Variants in H2BC8 observed in about 807,000 individuals in gnomAD.
The protein encoded by H2BC8 is H2B clustered histone 8, also known as histone H2B type 1-C/E/F/G/I.
In H2BC8, 11 loss-of-function variants were observed where a neutral mutation model predicts 6.3. The observed-to-expected ratio is 1.75, with a 90% confidence interval of 1.10 to 2.89. The LOEUF (loss-of-function observed/expected upper bound fraction) is 2.89, where lower values mean the gene tolerates loss of function less well. Among genes scored for constraint, H2BC8 ranks in the 30% most tolerant of loss-of-function variants. H2BC8 has a pLI of 0.00. For synonymous variants in H2BC8, 150 were observed against 65.8 expected (o/e 2.28, Z -6.19); for missense variants, 195 against 165.2 (o/e 1.18, Z -0.99).
In H2BC8 at chr6:26,216,308, C is replaced by T. The variant is rs763783564; in HGVS notation, c.336G>A (p.Val112=). The T allele has an allele frequency of 1.2e-6, 2 of 1,613,182 alleles. No homozygotes were observed. Among genetic ancestry groups the T allele is most frequent in the African/African-American group, 1.3e-5 (1 of 74,916 alleles). The stretch of plus-strand genomic sequence containing the variant: ...TGGTGACAGCCTTGGTACCTTCGGA[C>T]ACTGCGTGCTTGGCCAGCTCTCCGG... ...LLPGELAKHA[V]SEGTKAVTKY... Residue 112 remains valine, a synonymous_variant, in exon 1 of 1, where the codon GTG becomes GTA. Transcript: ENST00000541790.
chr6:26,216,257 A>T lies in H2BC8; in HGVS notation c.*6T>A, dbSNP rs772220232. 3.1e-5 allele frequency: 49 copies of T among 1,590,370 alleles called. No individual in the cohort carries two copies. The highest frequency in any genetic ancestry group is 4.1e-5 in the Non-Finnish European group (48 of 1,167,604). On this transcript the variant is annotated 3_prime_UTR_variant, in exon 1 of 1. Transcript: ENST00000541790. ...CCTTTGAGTTTTAAAGCACCTAAGC[A>T]CACATTTACTTGGAGCTTGTATACT... is the stretch of plus-strand genomic sequence containing the variant.
Position 26,216,585 on chromosome 6 carries a change from G to A in H2BC8, c.59C>T (p.Thr20Ile), listed in dbSNP as rs755499900. Reference protein sequence around the residue: ...APKKGSKKAVTKAQKKDGKKR... With the variant: ...APKKGSKKAVIKAQKKDGKKR... ...CTTGCCATCCTTCTTCTGCGCCTTG[G>A]TCACAGCCTTCTTGGAACCCTTCTT... The change falls in exon 1 of 1, where the codon ACC becomes ATC. Residue 20 changes from threonine to isoleucine, a missense_variant. Transcript: ENST00000541790. 6 of 1,614,164 alleles carry A rather than the reference G, an allele frequency of 3.7e-6. No individual in the cohort carries two copies. The highest frequency in any genetic ancestry group is 1.6e-4 in the Middle Eastern group (1 of 6,062).
In H2BC8 at chr6:26,216,546, C is replaced by CTGCGCT; in HGVS notation, c.92_97dup (p.Lys31_Arg32dup). 3.1e-6 allele frequency: 5 copies of CTGCGCT among 1,614,228 alleles called. No homozygotes were observed. Among genetic ancestry groups the CTGCGCT allele is most frequent in the Non-Finnish European group, 4.2e-6 (5 of 1,180,028 alleles). On this transcript the variant is annotated inframe_insertion, in exon 1 of 1. Transcript: ENST00000541790. ...ATACACGGAGTAGCTCTCCTTACGA[C>CTGCGCT]TGCGCTTGCGCTTCTTGCCATCCTT... is the stretch of plus-strand genomic sequence containing the variant.
At position 26,216,217 on chromosome 6, in the gene H2BC8, T is replaced by G; in HGVS notation, c.*46A>C. Reference sequence around the variant, plus strand: ...TAAAGCTCTTTATGTGAGACTTGAGTGGCTCTGAAAAGAGCCTTTGAGTTT... The same window carrying G: ...TAAAGCTCTTTATGTGAGACTTGAGGGGCTCTGAAAAGAGCCTTTGAGTTT... On this transcript the variant is annotated 3_prime_UTR_variant, in exon 1 of 1. Coordinates refer to ENST00000541790, the MANE Select transcript of H2BC8 (RefSeq NM_003518.4). The G allele has an allele frequency of 1.3e-6, 2 of 1,518,924 alleles. No individual in the cohort carries two copies. Among genetic ancestry groups the G allele is most frequent in the Non-Finnish European group, 1.8e-6 (2 of 1,131,682 alleles). 94.1% of individuals were successfully genotyped at this position (1,518,924 alleles called of 1,614,324 possible).
Position 26,216,222 on chromosome 6 carries a change from CTGAAAA to C in H2BC8, c.*35_*40del. On this transcript the variant is annotated 3_prime_UTR_variant, in exon 1 of 1. Coordinates refer to ENST00000541790, the MANE Select transcript of H2BC8 (RefSeq NM_003518.4). ...CTCTTTATGTGAGACTTGAGTGGCT[CTGAAAA>C]GAGCCTTTGAGTTTTAAAGCACCTA... 6.5e-7 allele frequency: 1 copy of C among 1,534,564 alleles called. No individual in the cohort carries two copies.
Position 26,216,269 on chromosome 6 carries a change from G to C in H2BC8, c.375C>G (p.Ser125=). Residue 125 remains serine, a synonymous_variant, in exon 1 of 1, where the codon TCC becomes TCG. Transcript: ENST00000541790. ...AAAGCACCTAAGCACACATTTACTT[G>C]GAGCTTGTATACTTGGTGACAGCCT... is the stretch of plus-strand genomic sequence containing the variant. ...GTKAVTKYTS[S]K The C allele has an allele frequency of 6.2e-7, 1 of 1,600,630 alleles. No individual in the cohort carries two copies. Among genetic ancestry groups the C allele is most frequent in the Non-Finnish European group, 8.5e-7 (1 of 1,172,698 alleles).
rs368880863 is a variant in H2BC8 at position 26,216,620 on chromosome 6, A to C, written c.24T>G (p.Ala8=). ...TCTTGGAACCCTTCTTCGGAGCAGG[A>C]GCTGACTTAGCTGGTTCAGGCATGC... MPEPAKS[A]PAPKKGSKKA... Residue 8 remains alanine (A), a synonymous_variant, in exon 1 of 1, where the codon GCT becomes GCG. Transcript: ENST00000541790. 1 of 1,613,178 alleles carries C rather than the reference A, an allele frequency of 6.2e-7. No homozygotes were observed. The highest frequency in any genetic ancestry group is 1.3e-5 in the African/African-American group (1 of 74,848).
Position 26,216,334 on chromosome 6 carries a change from G to A in H2BC8, c.310C>T (p.Pro104Ser). 1.2e-6 allele frequency: 2 copies of A among 1,614,116 alleles called. No individual in the cohort carries two copies. Among genetic ancestry groups the A allele is most frequent in the Non-Finnish European group, 1.7e-6 (2 of 1,179,954 alleles). The change falls in exon 1 of 1, where the codon CCC (proline) becomes TCC (serine). Residue 104 changes from proline (P) to serine (S), a missense_variant. Coordinates refer to ENST00000541790, the MANE Select transcript of H2BC8 (RefSeq NM_003518.4). The stretch of plus-strand genomic sequence containing the variant: ...ACTGCGTGCTTGGCCAGCTCTCCGG[G>A]AAGCAGCAGACGCACGGCGGTCTGG... ...EIQTAVRLLL[P>S]GELAKHAVSE...
At position 26,216,374 on chromosome 6, in the gene H2BC8, A is replaced by G. The variant is rs967879011; in HGVS notation, c.270T>C (p.Ile90=). Reference sequence around the variant, plus strand: ...CGGCGGTCTGGATCTCCCTGGAGGTAATGGTCGAGCGCTTGTTGTAGTGGG... The same window carrying G: ...CGGCGGTCTGGATCTCCCTGGAGGTGATGGTCGAGCGCTTGTTGTAGTGGG... ...RLAHYNKRST[I]TSREIQTAVR... is the part of the protein sequence containing the mutation. The change falls in exon 1 of 1, where the codon ATT becomes ATC. Residue 90 remains isoleucine (I), a synonymous_variant. Transcript: ENST00000541790. The G allele has an allele frequency of 6.2e-7, 1 of 1,614,010 alleles. No homozygotes were observed. Among genetic ancestry groups the G allele is most frequent in the Non-Finnish European group, 8.5e-7 (1 of 1,180,012 alleles).
chr6:26,216,564 C>A lies in H2BC8; in HGVS notation c.80G>T (p.Gly27Val). ...KAVTKAQKKD[G>V]KKRKRSRKES... ...CTTACGACTGCGCTTGCGCTTCTTGCCATCCTTCTTCTGCGCCTTGGTCAC... is the reference window on the plus strand; with the variant it reads ...CTTACGACTGCGCTTGCGCTTCTTGACATCCTTCTTCTGCGCCTTGGTCAC... Residue 27 changes from glycine (G) to valine (V), a missense_variant, in exon 1 of 1, where the codon GGC (glycine) becomes GTC (valine). Gly to Val is a moderately radical substitution (Grantham distance 109). Transcript: ENST00000541790. 6.2e-7 allele frequency: 1 copy of A among 1,614,184 alleles called. No homozygotes were observed. Among genetic ancestry groups the A allele is most frequent in the Non-Finnish European group, 8.5e-7 (1 of 1,180,032 alleles).
rs369873828 is a variant in H2BC8 at position 26,216,651 on chromosome 6, G to A, written c.-8C>T. On this transcript the variant is annotated 5_prime_UTR_variant, in exon 1 of 1. Transcript: ENST00000541790. ...CTTAGCTGGTTCAGGCATGCTGTCA[G>A]AAAACAATAACAGCAGTGAGAATGA... The A allele has an allele frequency of 9.3e-6, 15 of 1,606,982 alleles. No homozygotes were observed. Among genetic ancestry groups the A allele is most frequent in the East Asian group, 4.5e-5 (2 of 44,824 alleles).
At position 26,216,407 on chromosome 6, in the gene H2BC8, G is replaced by A. The variant is rs1422338671; in HGVS notation, c.237C>T (p.Ser79=). The A allele has an allele frequency of 1.2e-6, 2 of 1,614,152 alleles. No homozygotes were observed. Among genetic ancestry groups the A allele is most frequent in the Admixed American group, 1.7e-5 (1 of 60,020 alleles). Residue 79 remains serine (S), a synonymous_variant, in exon 1 of 1, where the codon TCC becomes TCT. Transcript: ENST00000541790. The part of the protein sequence containing the change: ...DIFERIAGEA[S]RLAHYNKRST... ...AGCGCTTGTTGTAGTGGGCCAGACG[G>A]GAAGCCTCGCCTGCGATGCGTTCGA... is the stretch of plus-strand genomic sequence containing the variant.
rs139135890 is a variant in H2BC8, at chr6:26,216,365, C to T, written c.279G>A (p.Arg93=). 98 of 1,614,072 alleles carry T rather than the reference C, an allele frequency of 6.1e-5. No homozygotes were observed. The highest frequency in any genetic ancestry group is 7.8e-5 in the Non-Finnish European group (92 of 1,180,034). The change falls in exon 1 of 1, where the codon AGG becomes AGA. Residue 93 remains arginine, a synonymous_variant. Coordinates refer to ENST00000541790, the MANE Select transcript of H2BC8 (RefSeq NM_003518.4). ...GCAGACGCACGGCGGTCTGGATCTCCCTGGAGGTAATGGTCGAGCGCTTGT... is the reference window on the plus strand; with the variant it reads ...GCAGACGCACGGCGGTCTGGATCTCTCTGGAGGTAATGGTCGAGCGCTTGT... ...HYNKRSTITS[R]EIQTAVRLLL...
chr6:26,216,336 A>G lies in H2BC8; in HGVS notation c.308T>C (p.Leu103Pro). 1 of 1,614,080 alleles carries G rather than the reference A, an allele frequency of 6.2e-7. No homozygotes were observed. Reference protein sequence around the residue: ...REIQTAVRLLLPGELAKHAVS... With the variant: ...REIQTAVRLLPPGELAKHAVS... ...TGCGTGCTTGGCCAGCTCTCCGGGA[A>G]GCAGCAGACGCACGGCGGTCTGGAT... Residue 103 changes from leucine to proline, a missense_variant, in exon 1 of 1, where the codon CTT becomes CCT. Transcript: ENST00000541790.
rs762435555 is a variant in H2BC8, at chr6:26,216,467, G to A, written c.177C>T (p.Ala59=). The part of the protein sequence containing the change: ...VHPDTGISSK[A]MGIMNSFVND... Reference sequence around the variant, plus strand: ...TAACGAAGGAATTCATGATGCCCATGGCCTTGGATGAGATGCCAGTATCGG... The same window carrying A: ...TAACGAAGGAATTCATGATGCCCATAGCCTTGGATGAGATGCCAGTATCGG... Residue 59 remains alanine (A), a synonymous_variant, in exon 1 of 1, where the codon GCC becomes GCT. Transcript: ENST00000541790. 3.1e-6 allele frequency: 5 copies of A among 1,614,248 alleles called. No homozygotes were observed. The highest frequency in any genetic ancestry group is 2.2e-5 in the East Asian group (1 of 44,880).
In H2BC8 at chr6:26,216,674, T is replaced by A. The variant is rs550494686; in HGVS notation, c.-31A>T. The A allele has an allele frequency of 4.4e-6, 7 of 1,586,262 alleles. No individual in the cohort carries two copies. Among genetic ancestry groups the A allele is most frequent in the African/African-American group, 4.1e-5 (3 of 73,514 alleles). On this transcript the variant is annotated 5_prime_UTR_variant, in exon 1 of 1. Transcript: ENST00000541790. Reference sequence around the variant, plus strand: ...CAGAAAACAATAACAGCAGTGAGAATGAACGCACTTAAATAAAAGCTCGTG... The same window carrying A: ...CAGAAAACAATAACAGCAGTGAGAAAGAACGCACTTAAATAAAAGCTCGTG...
rs921511542 is a variant in H2BC8, at chr6:26,216,458, G to A, written c.186C>T (p.Ile62=). Residue 62 remains isoleucine, a synonymous_variant, in exon 1 of 1, where the codon ATC becomes ATT. Coordinates refer to ENST00000541790, the MANE Select transcript of H2BC8 (RefSeq NM_003518.4). ...DTGISSKAMG[I]MNSFVNDIFE... ...AGATGTCGTTAACGAAGGAATTCAT[G>A]ATGCCCATGGCCTTGGATGAGATGC... is the stretch of plus-strand genomic sequence containing the variant. 2.5e-6 allele frequency: 4 copies of A among 1,614,134 alleles called. No homozygotes were observed. The highest frequency in any genetic ancestry group is 2.5e-6 in the Non-Finnish European group (3 of 1,180,050).
chr6:26,216,376 T>G lies in H2BC8; in HGVS notation c.268A>C (p.Ile90Leu). The G allele has an allele frequency of 6.2e-7, 1 of 1,614,166 alleles. No individual in the cohort carries two copies. The part of the protein sequence containing the change: ...RLAHYNKRST[I>L]TSREIQTAVR... ...GCGGTCTGGATCTCCCTGGAGGTAA[T>G]GGTCGAGCGCTTGTTGTAGTGGGCC... The change falls in exon 1 of 1, where the codon ATT (isoleucine) becomes CTT (leucine). Residue 90 changes from isoleucine (I) to leucine (L), a missense_variant. Physicochemically the swap from Ile to Leu is conservative, Grantham distance 5. Coordinates refer to ENST00000541790, the MANE Select transcript of H2BC8 (RefSeq NM_003518.4).
In H2BC8 at chr6:26,216,270, G is replaced by C; in HGVS notation, c.374C>G (p.Ser125Cys). The C allele has an allele frequency of 6.2e-7, 1 of 1,602,124 alleles. No homozygotes were observed. The highest frequency in any genetic ancestry group is 2.2e-5 in the East Asian group (1 of 44,782). ...AAGCACCTAAGCACACATTTACTTG[G>C]AGCTTGTATACTTGGTGACAGCCTT... is the stretch of plus-strand genomic sequence containing the variant. ...GTKAVTKYTSSK is the reference protein window; with the variant it reads ...GTKAVTKYTSCK The change falls in exon 1 of 1, where the codon TCC becomes TGC. Residue 125 changes from serine to cysteine, a missense_variant. Ser to Cys is a moderately radical substitution (Grantham distance 112, BLOSUM62 -1). Coordinates refer to ENST00000541790, the MANE Select transcript of H2BC8 (RefSeq NM_003518.4).
Sources: allele counts gnomAD v4.1 joint callset, GRCh38; gene constraint gnomAD v4.1.1; transcripts MANE v1.5; gene names NCBI Gene and HGNC (gene_info 2026-07-23, HGNC 2026-07-21).